Variants in TOP2B observed in about 807,000 individuals in gnomAD.
TOP2B encodes the protein DNA topoisomerase II beta.
A neutral mutation model predicts 193.5 loss-of-function variants in TOP2B; 51 were observed. That is an observed-to-expected ratio of 0.26 (90% CI 0.21 to 0.33). The LOEUF is 0.33. Among genes scored for constraint, TOP2B ranks in the 10% least tolerant of loss-of-function variants. The pLI is 1.00. For missense variants in TOP2B, 1,378 were observed against 1,909.3 expected (o/e 0.72, Z 5.19); for synonymous variants, 634 against 635.7 (o/e 1.00, Z 0.04).
At chr3:25,605,484 T>C (rs1702213427) in intron 32 of TOP2B, among the ~76,000 whole-genome samples, 1 of 152,040 alleles carries the variant, frequency 6.6e-6, no homozygotes, top group African/African-American at 2.4e-5. Context: ...TACGTATACA[T>C]ATAGAATATG....
At chr3:25,638,523 T>C (rs79662638) in intron 4 of TOP2B, among the ~76,000 whole-genome samples, 2 of 151,670 alleles carry the variant, frequency 1.3e-5, no homozygotes, top group Admixed American at 6.6e-5. Context: ...TCGTAACTAA[T>C]AGAGAAGGAT....
intron 1 of TOP2B, among the ~76,000 whole-genome samples, chr3:25,645,985 G>C (rs1208877504): frequency 6.7e-6 from 1 of 149,658 alleles, no homozygotes; most frequent in East Asian, 2.0e-4. Context: ...TGGCCAGGCT[G>C]GTCTCGAACT....
chr3:25,603,168 C>T (rs1442133200), intron 33 of TOP2B, among the ~76,000 whole-genome samples: 4 of 152,086 alleles, frequency 2.6e-5, no homozygotes, highest in Non-Finnish European at 4.4e-5. Context: ...GGAAGTAATA[C>T]GGCTCCCAAG....
chr3:25,658,951 A>G (rs953915477), intron 1 of TOP2B, among the ~76,000 whole-genome samples: 1 of 152,176 alleles, frequency 6.6e-6, no homozygotes. Flanking sequence ...TTGCTGACAA[A>G]CAGGGTAAAG....
Position 25,627,277 on chromosome 3 carries a change from A to G in TOP2B, c.1926T>C (p.Ala642=), listed in dbSNP as rs1702827615. Residue 642 remains alanine (A), a synonymous_variant, in exon 16 of 36, where the codon GCT becomes GCC. Coordinates refer to ENST00000264331, the MANE Select transcript of TOP2B (RefSeq NM_001330700.2). ...KYYKGLGTST[A]KEAKEYFADM... ...CAGCAAAATATTCCTTTGCTTCTTT[A>G]GCTGTACTAGTACCCAATCCTGCAC... 5.0e-6 allele frequency: 8 copies of G among 1,607,318 alleles called. No homozygotes were observed. Among genetic ancestry groups the G allele is most frequent in the Non-Finnish European group, 6.8e-6 (8 of 1,176,964 alleles).
chr3:25,664,410 C>T lies in TOP2B; in HGVS notation c.-113G>A. 1 of 1,291,152 alleles carries T rather than the reference C, an allele frequency of 7.7e-7. No homozygotes were observed. The allele number at this position is 1,291,152 out of a possible 1,614,324, so 80.0% of individuals were successfully genotyped here. A position where few individuals can be genotyped will look rare whatever the true frequency, so the allele number is the denominator to read the frequency against. On this transcript the variant is annotated 5_prime_UTR_variant, in exon 1 of 36. Coordinates refer to ENST00000264331, the MANE Select transcript of TOP2B (RefSeq NM_001330700.2). The stretch of plus-strand genomic sequence containing the variant: ...ACCGCTCCACTCGCCGCACTCCTAG[C>T]CGCGCCGACCCCCGCGCCCCATCGC...
intron 16 of TOP2B, 43 bp downstream of exon 16, chr3:25,627,144 G>A (rs779217663): frequency 1.5e-6 from 2 of 1,361,006 alleles, no homozygotes; most frequent in South Asian, 2.6e-5. Flanking sequence ...ATAGAAGGTA[G>A]GGGGATGGCT....
chr3:25,645,471 C>A lies in TOP2B; in HGVS notation c.70-1G>T. On this transcript the variant is annotated splice_acceptor_variant, in intron 1 of 35. Coordinates refer to ENST00000264331, the MANE Select transcript of TOP2B (RefSeq NM_001330700.2). LOFTEE classifies it high-confidence loss of function. ...CAGCATTGTTCTGATCAAAAAGAGTCTAAAATTAACCAAAAAATCAAATTT... is the reference window on the plus strand; with the variant it reads ...CAGCATTGTTCTGATCAAAAAGAGTATAAAATTAACCAAAAAATCAAATTT... 6.3e-7 allele frequency: 1 copy of A among 1,593,058 alleles called. No individual in the cohort carries two copies.
Position 25,606,078 on chromosome 3 carries a change from AAG to A in TOP2B, c.4341_4342del (p.Phe1448LeufsTer12). 6.6e-7 allele frequency: 1 copy of A among 1,510,146 alleles called. No homozygotes were observed. Among genetic ancestry groups the A allele is most frequent in the East Asian group, 2.5e-5 (1 of 40,248 alleles). 93.5% of individuals were successfully genotyped at this position (1,510,146 alleles called of 1,614,324 possible). The stretch of plus-strand genomic sequence containing the variant: ...CTTCTGAGAATATGAAGGAAATGAG[AAG>A]AGATTTCCAAAATCCTGACTTTTTT... On this transcript the variant is annotated frameshift_variant, in exon 32 of 36. Transcript: ENST00000264331. LOFTEE classifies it high-confidence loss of function.
intron 4 of TOP2B, among the ~76,000 whole-genome samples, chr3:25,639,776 T>G (rs886762672): frequency 1.3e-5 from 2 of 152,250 alleles, no homozygotes; most frequent in African/African-American, 4.8e-5. Flanking sequence ...TAATCTGTTC[T>G]CAAGGCTTTA....
intron 1 of TOP2B, among the ~76,000 whole-genome samples, chr3:25,659,623 T>C (rs1411440108): frequency 6.6e-6 from 1 of 152,220 alleles, no homozygotes; most frequent in African/African-American, 2.4e-5. Flanking sequence ...AGGTGAATTA[T>C]GAAACTAGAT....
intron 1 of TOP2B, among the ~76,000 whole-genome samples, chr3:25,647,150 A>C (rs1259560884): frequency 1.3e-5 from 2 of 152,242 alleles, no homozygotes; most frequent in Admixed American, 6.5e-5. Context: ...AAAATACCAG[A>C]TAGTCTTCAA....
intron 31 of TOP2B, among the ~76,000 whole-genome samples, chr3:25,606,534 G>A (rs1702241814): frequency 1.3e-5 from 2 of 152,142 alleles, no homozygotes; most frequent in South Asian, 4.2e-4. Context: ...GAAAAAGACA[G>A]AATTCCCATC....
intron 10 of TOP2B, 81 bp downstream of exon 10, chr3:25,632,365 T>G: frequency 8.1e-7 from 1 of 1,227,882 alleles, no homozygotes; most frequent in Admixed American, 2.7e-5. Flanking sequence ...TGAAAGAAAC[T>G]AATCACAAAT....
chr3:25,654,401 A>C (rs994472196), intron 1 of TOP2B, among the ~76,000 whole-genome samples: 2 of 152,170 alleles, frequency 1.3e-5, no homozygotes, highest in Admixed American at 6.5e-5. Flanking sequence ...TAATGTCAAA[A>C]TACAAAACAT....
chr3:25,648,036 A>G (rs533076895), intron 1 of TOP2B, among the ~76,000 whole-genome samples: 18 of 151,882 alleles, frequency 1.2e-4, no homozygotes, highest in African/African-American at 3.6e-4. Flanking sequence ...AAAACAAACA[A>G]GACAACAACA....
At chr3:25,659,426 AAAG>A (rs1201644957) in intron 1 of TOP2B, among the ~76,000 whole-genome samples, 2 of 152,222 alleles carry the variant, frequency 1.3e-5, no homozygotes, top group Admixed American at 1.3e-4. Context: ...CTGGATTAAA[AAAG>A]AAGGGAGAAT....
intron 2 of TOP2B, 111 bp downstream of exon 2, chr3:25,645,188 CA>C: frequency 2.0e-6 from 2 of 987,486 alleles, no homozygotes; most frequent in Non-Finnish European, 3.0e-6. Context: ...TTGACTATGA[CA>C]GATGAAATTA....
chr3:25,600,347 T>C lies in TOP2B; in HGVS notation c.4615+753A>G, dbSNP rs571870069. 4.6e-5 allele frequency among the ~76,000 whole-genome samples: 7 copies of C among 152,348 alleles called. No individual in the cohort carries two copies. The South Asian group carries it at 1.4e-3, about 32-fold the overall frequency. On this transcript the variant is annotated intron_variant, in intron 34 of 35. Coordinates refer to ENST00000264331, the MANE Select transcript of TOP2B (RefSeq NM_001330700.2). Reference sequence around the variant, plus strand: ...CTTAAATAATCTTGGGATGTCATATTTGATCAAATGAATCAGGGAAATAGC... The same window carrying C: ...CTTAAATAATCTTGGGATGTCATATCTGATCAAATGAATCAGGGAAATAGC...
Sources: gnomAD v4.1 joint callset for allele counts (sites outside exome capture counted in the v4.1 genomes callset) on GRCh38, gnomAD v4.1.1 for gene constraint, MANE v1.5 for transcripts, NCBI Gene and HGNC (gene_info 2026-07-23, HGNC 2026-07-21) for gene names.